The following NIN variants were observed in gnomAD, a reference collection of about 807,000 sequenced individuals.
The protein encoded by NIN is glycogen synthase kinase 3 beta-interacting protein.
NIN carries 137 observed loss-of-function variants against 257.6 expected under a neutral mutation model. That is an observed-to-expected ratio of 0.53 (90% CI 0.46 to 0.61). The LOEUF is 0.61. Among genes scored for constraint, NIN ranks in the 20% least tolerant of loss-of-function variants. The pLI, the probability that NIN is intolerant of heterozygous loss-of-function variation, is 0.00. For synonymous variants in NIN, 918 were observed against 919.8 expected, an observed-to-expected ratio of 1.00 and a Z score of 0.04; for missense variants, 2,439 against 2,501.2, an observed-to-expected ratio of 0.98 and a Z score of 0.53.
intron 4 of NIN, among the ~76,000 whole-genome samples, chr14:50,798,595 G>T (rs910736848): frequency 6.6e-6 from 1 of 152,202 alleles, no homozygotes; most frequent in Non-Finnish European, 1.5e-5. Flanking sequence ...GCAGATCTCT[G>T]TTAGGATGCC....
chr14:50,813,177 G>A (rs2044718162), intron 3 of NIN, among the ~76,000 whole-genome samples: 1 of 152,212 alleles, frequency 6.6e-6, no homozygotes, highest in Non-Finnish European at 1.5e-5. Flanking sequence ...TTCAGCAACT[G>A]CAATGTTTTA....
Position 50,726,038 on chromosome 14 carries a change from A to G in NIN, c.6107T>C (p.Met2036Thr), listed in dbSNP as rs775171180. 1 of 1,613,884 alleles carries G rather than the reference A, an allele frequency of 6.2e-7. No homozygotes were observed. Among genetic ancestry groups the G allele is most frequent in the South Asian group, 1.1e-5 (1 of 91,054 alleles). Residue 2036 changes from methionine to threonine, a missense_variant, in exon 30 of 31, where the codon ATG (methionine) becomes ACG (threonine). By Grantham distance (81) the Met-to-Thr change is moderately conservative. Around this residue, in one of 3 missense-constraint regions of NIN, gnomAD observed 2,043 missense variants for 2,050.2 expected, o/e 1.00. Coordinates refer to ENST00000530997, the MANE Select transcript of NIN (RefSeq NM_020921.4). ...TTCAACTTCTATCATTCGTTCCTCC[A>G]TGACAGTTACCAGTTGTTCCTGGTT... is the stretch of plus-strand genomic sequence containing the variant. ...QGNQEQLVTV[M>T]EERMIEVEQK...
At position 50,771,473 on chromosome 14, in the gene NIN, A is replaced by G; in HGVS notation, c.982-5T>C. 1 of 1,613,986 alleles carries G rather than the reference A, an allele frequency of 6.2e-7. No homozygotes were observed. Among genetic ancestry groups the G allele is most frequent in the South Asian group, 1.1e-5 (1 of 91,040 alleles). ...ATCGAGGCTGAAATCCAAGGCCTAG[A>G]AATCAGAGCAAGGCGTAAATTCAAA... On this transcript the variant is annotated splice_region_variant and splice_polypyrimidine_tract_variant and intron_variant, in intron 9 of 30. Transcript: ENST00000530997.
intron 24 of NIN, 119 bp from the exon 25 acceptor site, chr14:50,741,847 T>C (rs1169552654): frequency 9.4e-6 from 11 of 1,167,776 alleles, no homozygotes; most frequent in Non-Finnish European, 1.3e-5. Context: ...CTTTACTAAA[T>C]CCAGCTTTCT....
rs1333938347 is a variant in NIN, at chr14:50,782,018, C to A, written c.436-3214G>T. The stretch of plus-strand genomic sequence containing the variant: ...AAGCAACATAATTAAAAAAAAAAAA[C>A]CAAAAACAAAAAAACATGGGGGAAG... On this transcript the variant is annotated intron_variant, in intron 5 of 30. Transcript: ENST00000530997. 4.4e-4 allele frequency among the ~76,000 whole-genome samples: 66 copies of A among 148,714 alleles called. 1 individual carries two copies. The highest frequency in any genetic ancestry group is 9.3e-4 in the Admixed American group (14 of 15,016).
Position 50,825,115 on chromosome 14 carries a change from G to A in NIN, c.-21-3038C>T, listed in dbSNP as rs114807497. Among the ~76,000 whole-genome samples the A allele has an allele frequency of 6.3e-3, 963 of 152,268 alleles. 9 individuals are homozygous for A. The highest frequency in any genetic ancestry group is 0.022 in the African/African-American group (918 of 41,542). On this transcript the variant is annotated intron_variant, in intron 2 of 30. Coordinates refer to ENST00000530997, the MANE Select transcript of NIN (RefSeq NM_020921.4). ...TGAGAGTTAAATGTGGCAAGCAAGC[G>A]AGAGTGGCTAATTCCAGAGAAAGCT...
intron 22 of NIN, among the ~76,000 whole-genome samples, chr14:50,746,837 A>G (rs11850340): frequency 0.24 from 36,280 of 152,106 alleles, 4,610 homozygotes; most frequent in South Asian, 0.3. Flanking sequence ...TCATATTTTC[A>G]TATTTAAAAT....
intron 27 of NIN, among the ~76,000 whole-genome samples, chr14:50,736,896 TAGAAAA>T (rs2041007253): frequency 6.6e-6 from 1 of 152,116 alleles, no homozygotes; most frequent in Non-Finnish European, 1.5e-5. Context: ...AGTTTCAGTT[TAGAAAA>T]AGAAAAGTAA....
At position 50,760,207 on chromosome 14, in the gene NIN, T is replaced by TG; in HGVS notation, c.2048dup (p.Ala684SerfsTer9). On this transcript the variant is annotated frameshift_variant, in exon 17 of 31. Transcript: ENST00000530997. LOFTEE classifies it high-confidence loss of function. ...CATGATGTGCCTCCTTGAGCACTGC[T>TG]GCTTGCCCCTGAAGTTCAGCAATTT... 2 of 1,613,988 alleles carry TG rather than the reference T, an allele frequency of 1.2e-6. No individual in the cohort carries two copies. Among genetic ancestry groups the TG allele is most frequent in the Non-Finnish European group, 1.7e-6 (2 of 1,180,050 alleles).
intron 15 of NIN, 30 bp from the exon 16 acceptor site, chr14:50,761,941 CA>C: frequency 6.2e-7 from 1 of 1,612,550 alleles, no homozygotes; most frequent in Non-Finnish European, 8.5e-7. Flanking sequence ...ATTGATCCTG[CA>C]GCAGGTTCTT....
At chr14:50,748,734 C>T (rs184236991) in intron 21 of NIN, among the ~76,000 whole-genome samples, 6 of 152,124 alleles carry the variant, frequency 3.9e-5, no homozygotes, top group Admixed American at 3.3e-4. Flanking sequence ...AATAAAATAC[C>T]TAGGAATACA....
chr14:50,825,325 T>C (rs895096945), intron 2 of NIN, among the ~76,000 whole-genome samples: 2 of 152,190 alleles, frequency 1.3e-5, no homozygotes, highest in African/African-American at 4.8e-5. Context: ...TAAACATCAT[T>C]ATATAACTAA....
intron 24 of NIN, among the ~76,000 whole-genome samples, chr14:50,742,714 A>G (rs926742034): frequency 1.3e-5 from 2 of 152,110 alleles, no homozygotes; most frequent in African/African-American, 2.4e-5. Flanking sequence ...CTCTTAAAGA[A>G]GAATCCTATT....
intron 5 of NIN, chr14:50,792,484 G>T: frequency 1.8e-6 from 1 of 547,774 alleles, no homozygotes. Context: ...TGTACATGAC[G>T]CATGCACAGA....
intron 21 of NIN, among the ~76,000 whole-genome samples, chr14:50,751,773 T>C (rs1283213102): frequency 6.6e-6 from 1 of 152,154 alleles, no homozygotes; most frequent in Non-Finnish European, 1.5e-5. Context: ...GCTATTCTCC[T>C]GCCTCGGCCT....
In NIN at chr14:50,760,168, C is replaced by A; in HGVS notation, c.2088G>T (p.Arg696Ser). The change falls in exon 17 of 31, where the codon AGG becomes AGT. Residue 696 changes from arginine to serine, a missense_variant. Around this residue, in one of 3 missense-constraint regions of NIN, gnomAD observed 2,043 missense variants for 2,050.2 expected, o/e 1.00. Coordinates refer to ENST00000530997, the MANE Select transcript of NIN (RefSeq NM_020921.4). ...GCAGTTGTTTTTTCTCCTCCTCATG[C>A]CTGCAAGTGGCCTCATGATGTGCCT... ...LKEAHHEATC[R>S]HEEEKKQLQV... 6.2e-7 allele frequency: 1 copy of A among 1,614,180 alleles called. No individual in the cohort carries two copies. The highest frequency in any genetic ancestry group is 1.6e-4 in the Middle Eastern group (1 of 6,062).
intron 2 of NIN, among the ~76,000 whole-genome samples, chr14:50,823,767 A>C (rs929323401): frequency 6.6e-6 from 1 of 152,222 alleles, no homozygotes; most frequent in African/African-American, 2.4e-5. Context: ...TTCTGTTACT[A>C]AGGTGCTGCA....
Position 50,739,308 on chromosome 14 carries a change from C to T in NIN, c.5628G>A (p.Lys1876=). The change falls in exon 26 of 31, where the codon AAG becomes AAA. Residue 1876 remains lysine (K), a splice_region_variant and synonymous_variant. Transcript: ENST00000530997. Reference sequence around the variant, plus strand: ...CATGATGTGCAGCTTCTCCAATTACCTTCTCCCGGGAGTGCGTGAGTTCGG... The same window carrying T: ...CATGATGTGCAGCTTCTCCAATTACTTTCTCCCGGGAGTGCGTGAGTTCGG... ...TKAELTHSRE[K]VRQLESNLLP... The T allele has an allele frequency of 6.2e-7, 1 of 1,613,136 alleles. No individual in the cohort carries two copies. The highest frequency in any genetic ancestry group is 2.2e-5 in the East Asian group (1 of 44,882).
At position 50,721,737 on chromosome 14, in the gene NIN, A is replaced by C; in HGVS notation, c.*1726T>G. 4.5e-6 allele frequency: 1 copy of C among 221,464 alleles called. No individual in the cohort carries two copies. The highest frequency in any genetic ancestry group is 5.8e-5 in the Admixed American group (1 of 17,344). The allele number at this position is 221,464 out of a possible 1,614,324, so 13.7% of individuals were successfully genotyped here. A position where few individuals can be genotyped will look rare whatever the true frequency, so the allele number is the denominator to read the frequency against. Reference sequence around the variant, plus strand: ...CAGGGGGAACTCAGGGCTTTCTGACAAGAGCTGTGCAAAAATTCAAAGGTT... The same window carrying C: ...CAGGGGGAACTCAGGGCTTTCTGACCAGAGCTGTGCAAAAATTCAAAGGTT... On this transcript the variant is annotated 3_prime_UTR_variant, in exon 31 of 31. Coordinates refer to ENST00000530997, the MANE Select transcript of NIN (RefSeq NM_020921.4).
Sources: allele counts gnomAD v4.1 joint callset (sites outside exome capture counted in the v4.1 genomes callset), GRCh38; gene constraint gnomAD v4.1.1; regional missense constraint gnomAD v4.1.1; transcripts MANE v1.5; gene names NCBI Gene and HGNC (gene_info 2026-07-23, HGNC 2026-07-21).